Variants in CCDC50 observed in about 807,000 individuals in gnomAD.
The protein encoded by CCDC50 is coiled-coil domain containing 50.
In CCDC50, 54 loss-of-function variants were observed where a neutral mutation model predicts 70.2. The ratio of observed to expected loss-of-function variants is 0.77; its 90% confidence interval spans 0.62 to 0.96. The LOEUF is 0.96. Among genes scored for constraint, CCDC50 ranks in the 50% least tolerant of loss-of-function variants. The probability of loss-of-function intolerance (pLI) is 0.00; values close to 1 mark genes in which losing one functional copy is unlikely to be tolerated. For synonymous variants in CCDC50, 216 were observed against 198.8 expected (o/e 1.09, Z -0.73); for missense variants, 558 against 578.7 (o/e 0.96, Z 0.37).
chr3:191,330,577 C>G (rs1457465392), intron 1 of CCDC50: 1 of 152,192 alleles, frequency 6.6e-6, no homozygotes, highest in Non-Finnish European at 1.5e-5. Context: ...ATAGACGTTC[C>G]AGAGTGCTGA....
At chr3:191,373,324 G>T (rs1422463089) in intron 5 of CCDC50, among the ~76,000 whole-genome samples, 1 of 152,062 alleles carries the variant, frequency 6.6e-6, no homozygotes, top group African/African-American at 2.4e-5. Context: ...TTTTCAGTCA[G>T]CTCTGTAAAA....
intron 1 of CCDC50, among the ~76,000 whole-genome samples, chr3:191,338,065 A>G (rs1190695757): frequency 6.6e-6 from 1 of 152,136 alleles, no homozygotes; most frequent in Non-Finnish European, 1.5e-5. Flanking sequence ...AATGAGTCAT[A>G]AAGGCTTAGT....
rs1337718407 is a variant in CCDC50 at position 191,393,657 on chromosome 3, T to G, written c.*1897T>G. On this transcript the variant is annotated 3_prime_UTR_variant, in exon 12 of 12. Coordinates refer to ENST00000392455, the MANE Select transcript of CCDC50 (RefSeq NM_178335.3). ...TGGAGGAAAAGGAAAATAACAGGAC[T>G]TTTTATAGCTGTGATAAAATGGGTA... The G allele has an allele frequency of 1.3e-5, 2 of 152,176 alleles. No homozygotes were observed. Among genetic ancestry groups the G allele is most frequent in the Non-Finnish European group, 2.9e-5 (2 of 68,024 alleles). 9.4% of individuals were successfully genotyped at this position (152,176 alleles called of 1,614,324 possible).
At chr3:191,345,209 G>C (rs1473111010) in intron 1 of CCDC50, among the ~76,000 whole-genome samples, 1 of 152,156 alleles carries the variant, frequency 6.6e-6, no homozygotes, top group Non-Finnish European at 1.5e-5. Context: ...TTCTTGGGTA[G>C]CTTCTGTTTT....
At chr3:191,379,209 C>T (rs1332092739) in intron 6 of CCDC50, among the ~76,000 whole-genome samples, 3 of 151,804 alleles carry the variant, frequency 2.0e-5, no homozygotes, top group Non-Finnish European at 2.9e-5. Flanking sequence ...CAGGGCACAC[C>T]CAGGCTACTT....
intron 1 of CCDC50, among the ~76,000 whole-genome samples, chr3:191,348,492 C>G (rs1012071201): frequency 1.4e-5 from 2 of 142,016 alleles, no homozygotes; most frequent in African/African-American, 5.0e-5. Flanking sequence ...AATTCTGTGT[C>G]GACTTTGTGG....
In CCDC50 at chr3:191,332,903, G is replaced by A. The variant is rs74717473; in HGVS notation, c.49+3180G>A. Among the ~76,000 whole-genome samples, 590 of 152,264 alleles carry A rather than the reference G, an allele frequency of 3.9e-3. 25 individuals are homozygous for A. In the East Asian group the frequency reaches 0.072, roughly 19 times the overall value. ...TCGAGGCCTTTCTAGACATTTTGGC[G>A]TTTCATCAACTTCTTTGCAATTTCT... On this transcript the variant is annotated intron_variant, in intron 1 of 11. Coordinates refer to ENST00000392455, the MANE Select transcript of CCDC50 (RefSeq NM_178335.3).
At chr3:191,339,737 A>G (rs1711657853) in intron 1 of CCDC50, among the ~76,000 whole-genome samples, 1 of 152,198 alleles carries the variant, frequency 6.6e-6, no homozygotes, top group African/African-American at 2.4e-5. Context: ...ATTTGTATTC[A>G]CTGGACAGTT....
intron 6 of CCDC50, among the ~76,000 whole-genome samples, chr3:191,375,883 G>A (rs539598658): frequency 3.9e-5 from 6 of 152,116 alleles, no homozygotes; most frequent in African/African-American, 1.2e-4. Context: ...TTCATTTACC[G>A]AGACTGTGTA....
At position 191,389,524 on chromosome 3, in the gene CCDC50, G is replaced by C; in HGVS notation, c.1351G>C (p.Glu451Gln). Reference protein sequence around the residue: ...RPPPPIMTDGEDADYTHFTNQ... With the variant: ...RPPPPIMTDGQDADYTHFTNQ... ...ACCACCACCTATCATGACAGATGGTGAAGATGCGGATTACACTCATTTTAC... is the reference window on the plus strand; with the variant it reads ...ACCACCACCTATCATGACAGATGGTCAAGATGCGGATTACACTCATTTTAC... The change falls in exon 11 of 12, where the codon GAA (glutamate) becomes CAA (glutamine). Residue 451 changes from glutamate (E) to glutamine (Q), a missense_variant. Coordinates refer to ENST00000392455, the MANE Select transcript of CCDC50 (RefSeq NM_178335.3). The C allele has an allele frequency of 6.2e-7, 1 of 1,614,116 alleles. No individual in the cohort carries two copies. The highest frequency in any genetic ancestry group is 8.5e-7 in the Non-Finnish European group (1 of 1,179,980).
intron 7 of CCDC50, 94 bp from the exon 8 acceptor site, chr3:191,380,593 A>C: frequency 8.1e-7 from 1 of 1,230,322 alleles, no homozygotes. Context: ...AGTCACAATT[A>C]TTTTCAAAAA....
intron 1 of CCDC50, among the ~76,000 whole-genome samples, chr3:191,343,077 T>C (rs1711787668): frequency 7.1e-6 from 1 of 140,782 alleles, no homozygotes; most frequent in Non-Finnish European, 1.6e-5. Context: ...CTTGGCGGGA[T>C]GCAAGGCCTG....
At chr3:191,374,615 C>A (rs1713028526) in intron 5 of CCDC50, among the ~76,000 whole-genome samples, 1 of 152,148 alleles carries the variant, frequency 6.6e-6, no homozygotes, top group South Asian at 2.1e-4. Flanking sequence ...GTTTTATTGG[C>A]ATTTCCAGTA....
Position 191,397,382 on chromosome 3 carries a change from A to G in CCDC50, c.*5622A>G, listed in dbSNP as rs1713895303. Reference sequence around the variant, plus strand: ...ATTTCAGCTCTTGCTGTAAACTGCAAGCCAAATGCTCTTTCTCAGAAAGAG... The same window carrying G: ...ATTTCAGCTCTTGCTGTAAACTGCAGGCCAAATGCTCTTTCTCAGAAAGAG... On this transcript the variant is annotated 3_prime_UTR_variant, in exon 12 of 12. Coordinates refer to ENST00000392455, the MANE Select transcript of CCDC50 (RefSeq NM_178335.3). The G allele has an allele frequency of 6.6e-6, 1 of 152,304 alleles. No homozygotes were observed. Among genetic ancestry groups the G allele is most frequent in the Middle Eastern group, 3.4e-3 (1 of 294 alleles). 9.4% of individuals were successfully genotyped at this position (152,304 alleles called of 1,614,324 possible).
Position 191,344,298 on chromosome 3 carries a change from A to G in CCDC50, c.50-12790A>G, listed in dbSNP as rs541908958. Among the ~76,000 whole-genome samples the G allele has an allele frequency of 8.5e-5, 13 of 152,336 alleles. No homozygotes were observed. In the East Asian group the frequency reaches 1.3e-3, roughly 16 times the overall value. ...TTATCGTCTAGAGCAGTCCTATCTA[A>G]TAGAACAACTGTGATGATGCAAACG... On this transcript the variant is annotated intron_variant, in intron 1 of 11. Transcript: ENST00000392455.
chr3:191,376,647 A>T (rs966748820), intron 6 of CCDC50, among the ~76,000 whole-genome samples: 4 of 152,194 alleles, frequency 2.6e-5, no homozygotes, highest in African/African-American at 4.8e-5. Flanking sequence ...TCCAGAAGCC[A>T]TTCTGAGTAG....
chr3:191,353,310 C>A (rs1333753411), intron 1 of CCDC50, among the ~76,000 whole-genome samples: 4 of 141,478 alleles, frequency 2.8e-5, no homozygotes, highest in Admixed American at 7.2e-5. Context: ...CAGACTGGGA[C>A]TAGTAGAAGA....
chr3:191,381,831 T>A (rs1713331537), intron 9 of CCDC50, among the ~76,000 whole-genome samples: 1 of 152,082 alleles, frequency 6.6e-6, no homozygotes, highest in Non-Finnish European at 1.5e-5. Context: ...AACAAATTCC[T>A]CCATTGGGTT....
Position 191,375,603 on chromosome 3 carries a change from G to C in CCDC50, c.976+14G>C. The C allele has an allele frequency of 6.2e-7, 1 of 1,610,966 alleles. No individual in the cohort carries two copies. The highest frequency in any genetic ancestry group is 8.5e-7 in the Non-Finnish European group (1 of 1,178,568). ...TCCATGACGCAGGTAATAGAGGACA[G>C]TCTCGATGGAAGTCCTGGTATCATG... On this transcript the variant is annotated intron_variant, in intron 6 of 11. Coordinates refer to ENST00000392455, the MANE Select transcript of CCDC50 (RefSeq NM_178335.3).
Sources: allele counts gnomAD v4.1 joint callset (sites outside exome capture counted in the v4.1 genomes callset), GRCh38; gene constraint gnomAD v4.1.1; transcripts MANE v1.5; gene names NCBI Gene and HGNC (gene_info 2026-07-23, HGNC 2026-07-21).